Variants in CAMTA1 observed in about 807,000 individuals in gnomAD.
CAMTA1 encodes calmodulin binding transcription activator 1, also known as calmodulin-binding transcription activator 1.
In CAMTA1, 27 loss-of-function variants were observed where a neutral mutation model predicts 170.9. The ratio of observed to expected loss-of-function variants is 0.16; its 90% CI spans 0.12 to 0.22. The LOEUF is 0.22. Ranked by LOEUF, CAMTA1 falls within the 10% of genes least tolerant of loss-of-function variation. The pLI is 1.00. For missense variants in CAMTA1, 1,619 were observed against 2,217.2 expected (o/e 0.73, Z 5.42); for synonymous variants, 833 against 891.5 (o/e 0.93, Z 1.17).
intron 5 of CAMTA1, among the ~76,000 whole-genome samples, chr1:7,381,368 T>C (rs942978159): frequency 4.1e-5 from 6 of 146,838 alleles, no homozygotes; most frequent in African/African-American, 1.5e-4. Flanking sequence ...TGTGTTCTCA[T>C]TGTTCAATTC....
rs559967418 is a variant in CAMTA1 at position 7,650,645 on chromosome 1, G to A, written c.664+10092G>A. Among the ~76,000 whole-genome samples, 5 of 152,282 alleles carry A rather than the reference G, an allele frequency of 3.3e-5. No homozygotes were observed. The East Asian group carries it at 5.8e-4, about 18-fold the overall frequency. On this transcript the variant is annotated intron_variant, in intron 7 of 22. Coordinates refer to ENST00000303635, the MANE Select transcript of CAMTA1 (RefSeq NM_015215.4). ...GAAATGACAGGCTCACTGGGGACAC[G>A]GCAGATAGGTCCCCGCATGTGCACA... is the stretch of plus-strand genomic sequence containing the variant.
chr1:7,481,406 C>T (rs1003002233), intron 6 of CAMTA1, among the ~76,000 whole-genome samples: 1 of 152,214 alleles, frequency 6.6e-6, no homozygotes, highest in African/African-American at 2.4e-5. Context: ...GGCCTTTGCA[C>T]ATGCTCCTCC....
chr1:6,924,482 G>C (rs1304165308), intron 3 of CAMTA1, among the ~76,000 whole-genome samples: 2 of 152,160 alleles, frequency 1.3e-5, no homozygotes, highest in African/African-American at 4.8e-5. Context: ...ATCCCCTTGG[G>C]GTGCAGGGAG....
intron 5 of CAMTA1, among the ~76,000 whole-genome samples, chr1:7,289,528 G>A (rs188819598): frequency 7.7e-4 from 117 of 152,280 alleles, no homozygotes; most frequent in African/African-American, 2.6e-3. Context: ...TCTCACCTTC[G>A]TGTGTTTGTG....
intron 3 of CAMTA1, among the ~76,000 whole-genome samples, chr1:6,850,170 G>C (rs1395109320): frequency 2.6e-5 from 4 of 152,020 alleles, no homozygotes; most frequent in Non-Finnish European, 4.4e-5. Context: ...CTTACTTTGT[G>C]TTCAAGTTAG....
intron 1 of CAMTA1, among the ~76,000 whole-genome samples, chr1:6,792,039 C>T (rs12023886): frequency 0.08 from 12,092 of 151,858 alleles, 728 homozygotes; most frequent in East Asian, 0.26. Flanking sequence ...CTGCAACCTC[C>T]GCCTTCCAGG....
chr1:7,017,384 ACATACT>A (rs1388706139), intron 3 of CAMTA1, among the ~76,000 whole-genome samples: 9 of 152,234 alleles, frequency 5.9e-5, no homozygotes, highest in African/African-American at 2.2e-4. Context: ...TTGTGAACTC[ACATACT>A]CATACAGACA....
At chr1:7,303,406 A>G (rs1239600937) in intron 5 of CAMTA1, among the ~76,000 whole-genome samples, 1 of 152,242 alleles carries the variant, frequency 6.6e-6, no homozygotes. Flanking sequence ...CAATGTATAC[A>G]TACACACATG....
chr1:7,498,534 T>C (rs1048613886), intron 6 of CAMTA1, among the ~76,000 whole-genome samples: 1 of 151,942 alleles, frequency 6.6e-6, no homozygotes, highest in Non-Finnish European at 1.5e-5. Context: ...AATGTTGTGT[T>C]GCATGTGTGC....
chr1:6,926,094 C>T (rs576147718), intron 3 of CAMTA1, among the ~76,000 whole-genome samples: 12 of 152,370 alleles, frequency 7.9e-5, no homozygotes, highest in African/African-American at 2.9e-4. Context: ...ATCCACAGGG[C>T]AAAGAGGGCT....
At chr1:7,002,177 T>G (rs528918985) in intron 3 of CAMTA1, among the ~76,000 whole-genome samples, 2 of 152,284 alleles carry the variant, frequency 1.3e-5, no homozygotes, top group South Asian at 4.1e-4. Flanking sequence ...TTACAAGTGT[T>G]AGCCACCGCA....
In CAMTA1 at chr1:6,785,526, G is replaced by C. The variant is rs1165620306; in HGVS notation, c.-5G>C. The stretch of plus-strand genomic sequence containing the variant: ...CTCGGGGTCCCGGTCGCGAGGAGGA[G>C]GAGGATGTGGCGCGCGGAGGGGAAA... On this transcript the variant is annotated 5_prime_UTR_variant, in exon 1 of 23. Coordinates refer to ENST00000303635, the MANE Select transcript of CAMTA1 (RefSeq NM_015215.4). 9.3e-7 allele frequency: 1 copy of C among 1,072,588 alleles called. No individual in the cohort carries two copies. Among genetic ancestry groups the C allele is most frequent in the Non-Finnish European group, 1.1e-6 (1 of 871,718 alleles). 66.4% of individuals were successfully genotyped at this position (1,072,588 alleles called of 1,614,324 possible). A position where few individuals can be genotyped will look rare whatever the true frequency, so the allele number is the denominator to read the frequency against.
chr1:7,639,341 G>A (rs1224982209), intron 6 of CAMTA1, among the ~76,000 whole-genome samples: 1 of 152,156 alleles, frequency 6.6e-6, no homozygotes, highest in Non-Finnish European at 1.5e-5. Context: ...TGGGCAGCTG[G>A]TGCCCAGAAG....
In CAMTA1 at chr1:7,663,537, G is replaced by A. The variant is rs776720468; in HGVS notation, c.990G>A (p.Val330=). 1 of 1,605,938 alleles carries A rather than the reference G, an allele frequency of 6.2e-7. No homozygotes were observed. Among genetic ancestry groups the A allele is most frequent in the South Asian group, 1.1e-5 (1 of 90,854 alleles). ...GCCGTGAGAAGAGGAACGGCAAGGTGGCCAAGCCCGTGCTCCTGCACCAGA... is the reference window on the plus strand; with the variant it reads ...GCCGTGAGAAGAGGAACGGCAAGGTAGCCAAGCCCGTGCTCCTGCACCAGA... The part of the protein sequence containing the change: ...GSSREKRNGK[V]AKPVLLHQSS... The change falls in exon 9 of 23, where the codon GTG becomes GTA. Residue 330 remains valine (V), a synonymous_variant. Coordinates refer to ENST00000303635, the MANE Select transcript of CAMTA1 (RefSeq NM_015215.4).
intron 5 of CAMTA1, among the ~76,000 whole-genome samples, chr1:7,272,618 A>G (rs1430277667): frequency 6.7e-6 from 1 of 149,996 alleles, no homozygotes; most frequent in East Asian, 2.0e-4. Context: ...GATTTTCAAC[A>G]AAGGACCAAG....
intron 7 of CAMTA1, 74 bp from the exon 8 acceptor site, chr1:7,661,652 C>A (rs901360096): frequency 5.8e-6 from 9 of 1,552,634 alleles, no homozygotes; most frequent in Non-Finnish European, 8.0e-6. Context: ...GGGCCTGGGT[C>A]CTACCCCTTG....
intron 11 of CAMTA1, among the ~76,000 whole-genome samples, chr1:7,719,545 G>A (rs1335224975): frequency 6.6e-6 from 1 of 152,200 alleles, no homozygotes; most frequent in African/African-American, 2.4e-5. Context: ...CATTTCTAGT[G>A]TTTTGGTATA....
At chr1:7,366,435 T>C (rs2085972560) in intron 5 of CAMTA1, among the ~76,000 whole-genome samples, 1 of 152,164 alleles carries the variant, frequency 6.6e-6, no homozygotes, top group Non-Finnish European at 1.5e-5. Flanking sequence ...TCAGAATAGC[T>C]GTGTGGCCCC....
intron 16 of CAMTA1, among the ~76,000 whole-genome samples, chr1:7,741,022 C>G (rs2096808637): frequency 1.3e-5 from 2 of 152,140 alleles, no homozygotes; most frequent in Admixed American, 1.3e-4. Flanking sequence ...AACAGTAAAA[C>G]TGAGCAATTA....
Sources: gnomAD v4.1 joint callset for allele counts (sites outside exome capture counted in the v4.1 genomes callset) on GRCh38, gnomAD v4.1.1 for gene constraint, MANE v1.5 for transcripts, NCBI Gene and HGNC (gene_info 2026-07-23, HGNC 2026-07-21) for gene names.